UBR1: variants seen among roughly 807,000 people sequenced by gnomAD.
The protein encoded by UBR1 is E3 ubiquitin-protein ligase UBR1.
In UBR1, 102 loss-of-function variants were observed where a neutral mutation model predicts 242.1. The observed-to-expected ratio is 0.42, with a 90% confidence interval of 0.36 to 0.50. The LOEUF (loss-of-function observed/expected upper bound fraction) is 0.50. UBR1 is among the 20% of genes least tolerant of loss of function. The probability of loss-of-function intolerance (pLI) is 0.01; values close to 1 mark genes in which losing one functional copy is unlikely to be tolerated. For synonymous variants in UBR1, 675 were observed against 684.8 expected, an observed-to-expected ratio of 0.99 and a Z score of 0.22; for missense variants, 1,772 against 2,101.8, an observed-to-expected ratio of 0.84 and a Z score of 3.07.
At chr15:43,038,295 C>A in intron 15 of UBR1, 63 bp from the exon 16 acceptor site, 1 of 1,509,158 alleles carries the variant, frequency 6.6e-7, no homozygotes, top group South Asian at 1.1e-5. Flanking sequence ...CTAGTTAACT[C>A]ATCAAGTTTA....
Position 43,050,429 on chromosome 15 carries a change from G to C in UBR1, c.1440-1938C>G, listed in dbSNP as rs182616927. On this transcript the variant is annotated intron_variant, in intron 12 of 46. Transcript: ENST00000290650. ...AAAAAAGAAAAAATGAATAAGTGAGGCCGGGTGCAGTGGCTCACGCCTGTA... is the reference window on the plus strand; with the variant it reads ...AAAAAAGAAAAAATGAATAAGTGAGCCCGGGTGCAGTGGCTCACGCCTGTA... Among the ~76,000 whole-genome samples the C allele has an allele frequency of 2.4e-3, 358 of 152,260 alleles. 5 individuals are homozygous for C. Among genetic ancestry groups the C allele is most frequent in the African/African-American group, 8.3e-3 (343 of 41,540 alleles).
At chr15:43,043,492 A>G (rs1408825933) in intron 14 of UBR1, 97 bp from the exon 15 acceptor site, 1 of 1,144,464 alleles carries the variant, frequency 8.7e-7, no homozygotes, top group East Asian at 2.5e-5. Flanking sequence ...CCTAGGCTGG[A>G]GTACAGTGGC....
At chr15:42,960,059 G>C (rs1182986121) in intron 43 of UBR1, among the ~76,000 whole-genome samples, 1 of 152,138 alleles carries the variant, frequency 6.6e-6, no homozygotes, top group Non-Finnish European at 1.5e-5. Context: ...GTTCTTATTC[G>C]TCAGTTATTC....
intron 34 of UBR1, among the ~76,000 whole-genome samples, chr15:42,989,481 A>C (rs1220762684): frequency 6.6e-6 from 1 of 152,238 alleles, no homozygotes; most frequent in Non-Finnish European, 1.5e-5. Flanking sequence ...TATTTTCAGT[A>C]GCAATGGGAT....
At chr15:43,002,430 A>C (rs1363033925) in intron 32 of UBR1, 125 bp downstream of exon 32, 15 of 1,087,580 alleles carry the variant, frequency 1.4e-5, no homozygotes, top group Non-Finnish European at 1.9e-5. Flanking sequence ...CATGTTACCC[A>C]GGCTGGTCTC....
chr15:42,996,660 A>C (rs1366550023), intron 33 of UBR1, among the ~76,000 whole-genome samples: 1 of 152,154 alleles, frequency 6.6e-6, no homozygotes, highest in Non-Finnish European at 1.5e-5. Flanking sequence ...GGTGATGAGA[A>C]ATAAAACCAT....
chr15:42,950,449 C>T (rs1224850469), intron 45 of UBR1, 86 bp from the exon 46 acceptor site: 19 of 1,129,042 alleles, frequency 1.7e-5, no homozygotes, highest in Non-Finnish European at 2.3e-5. Context: ...AGAGAAAAGA[C>T]GTGGCCAATA....
At chr15:43,009,944 C>T (rs1167530315) in intron 29 of UBR1, among the ~76,000 whole-genome samples, 1 of 152,202 alleles carries the variant, frequency 6.6e-6, no homozygotes, top group African/African-American at 2.4e-5. Context: ...GATCTCGGCT[C>T]ACTGCAATCT....
chr15:43,070,964 T>C (rs771781062), intron 4 of UBR1, 39 bp from the exon 5 acceptor site: 6 of 1,607,812 alleles, frequency 3.7e-6, no homozygotes, highest in Non-Finnish European at 4.2e-6. Context: ...GTCAAGATTG[T>C]ATACAAATAA....
At chr15:43,078,204 G>C (rs921227495) in intron 3 of UBR1, among the ~76,000 whole-genome samples, 2 of 152,144 alleles carry the variant, frequency 1.3e-5, no homozygotes, top group African/African-American at 4.8e-5. Flanking sequence ...GATTCACAAA[G>C]AAAGTGAGAA....
chr15:43,057,442 G>A (rs1285457070), intron 10 of UBR1, among the ~76,000 whole-genome samples: 1 of 152,080 alleles, frequency 6.6e-6, no homozygotes, highest in African/African-American at 2.4e-5. Flanking sequence ...AAATCAACAA[G>A]TATGACTGGC....
intron 28 of UBR1, among the ~76,000 whole-genome samples, 158 bp from the exon 29 acceptor site, chr15:43,016,027 G>T (rs905984865): frequency 6.6e-6 from 1 of 152,170 alleles, no homozygotes; most frequent in East Asian, 1.9e-4. Context: ...ATTACAGGCT[G>T]CATGACATCA....
At chr15:43,090,509 C>T (rs1449216858) in intron 1 of UBR1, among the ~76,000 whole-genome samples, 3 of 151,906 alleles carry the variant, frequency 2.0e-5, no homozygotes, top group Non-Finnish European at 4.4e-5. Context: ...GGTACTCATA[C>T]ACAAACAACT....
In UBR1 at chr15:42,950,372, G is replaced by GA. The variant is rs753061961; in HGVS notation, c.5007-10dup. The GA allele has an allele frequency of 6.2e-6, 10 of 1,612,522 alleles. No individual in the cohort carries two copies. The East Asian group carries it at 2.0e-4, about 32-fold the overall frequency. ...CTCGGCATTCTCTGATTCTGAAAGAGAAAATCAATAGGAAATATGGTTAAG... is the reference window on the plus strand; with the variant it reads ...CTCGGCATTCTCTGATTCTGAAAGAGAAAAATCAATAGGAAATATGGTTAAG... On this transcript the variant is annotated splice_polypyrimidine_tract_variant and intron_variant, in intron 45 of 46. Transcript: ENST00000290650.
At chr15:43,006,467 G>A (rs1216038048) in intron 30 of UBR1, among the ~76,000 whole-genome samples, 3 of 152,082 alleles carry the variant, frequency 2.0e-5, no homozygotes, top group Admixed American at 6.5e-5. Context: ...ACGAGGTTTC[G>A]CCATGTTGCC....
intron 37 of UBR1, among the ~76,000 whole-genome samples, chr15:42,979,598 T>A (rs2032344557): frequency 6.6e-6 from 1 of 152,176 alleles, no homozygotes; most frequent in African/African-American, 2.4e-5. Flanking sequence ...TCCCCCAGGC[T>A]GGAGTACAGT....
intron 12 of UBR1, among the ~76,000 whole-genome samples, chr15:43,050,723 TAAAAAAA>T (rs71108195): frequency 8.4e-6 from 1 of 118,608 alleles, no homozygotes; most frequent in African/African-American, 2.9e-5. Flanking sequence ...GACTCCGTCT[TAAAAAAA>T]AAAAAAAAAA....
chr15:43,038,472 T>C (rs1346662176), intron 15 of UBR1, among the ~76,000 whole-genome samples: 2 of 152,220 alleles, frequency 1.3e-5, no homozygotes, highest in East Asian at 3.9e-4. Flanking sequence ...GCCGGGCCTG[T>C]AATCCTAGCT....
At chr15:42,994,640 C>T (rs1169851000) in intron 33 of UBR1, among the ~76,000 whole-genome samples, 1 of 152,184 alleles carries the variant, frequency 6.6e-6, no homozygotes, top group African/African-American at 2.4e-5. Flanking sequence ...GTCTTTTCTC[C>T]TAACCTCCCC....
Sources: allele counts gnomAD v4.1 joint callset (sites outside exome capture counted in the v4.1 genomes callset), GRCh38; gene constraint gnomAD v4.1.1; transcripts MANE v1.5; gene names NCBI Gene and HGNC (gene_info 2026-07-23, HGNC 2026-07-21).